GSG1L: variants seen among roughly 807,000 people sequenced by gnomAD.
GSG1L encodes GSG1 like, also known as germ cell-specific gene 1-like protein.
Under a neutral mutation model 42.1 loss-of-function variants are expected in GSG1L, and 24 were observed. The ratio of observed to expected loss-of-function variants is 0.57; its 90% CI spans 0.41 to 0.80. GSG1L has a LOEUF of 0.80. Among genes scored for constraint, GSG1L ranks in the 30% least tolerant of loss-of-function variants. GSG1L has a pLI of 0.00. For missense variants in GSG1L, 445 were observed against 472.2 expected (o/e 0.94, Z 0.53); for synonymous variants, 215 against 203.5 (o/e 1.06, Z -0.48).
chr16:27,829,055 C>T, intron 4 of GSG1L, 99 bp from the exon 5 acceptor site: 1 of 1,174,992 alleles, frequency 8.5e-7, no homozygotes. Flanking sequence ...GCATGGCTGC[C>T]TTTTCCTCTG....
intron 2 of GSG1L, among the ~76,000 whole-genome samples, chr16:27,915,288 G>T (rs778552883): frequency 1.3e-5 from 2 of 151,662 alleles, no homozygotes; most frequent in Non-Finnish European, 2.9e-5. Flanking sequence ...GAGGGGCAGG[G>T]TGGGGGCAGA....
intron 1 of GSG1L, among the ~76,000 whole-genome samples, chr16:28,007,508 TTG>T (rs2085656764): frequency 1.9e-5 from 2 of 105,298 alleles, no homozygotes; most frequent in Non-Finnish European, 3.7e-5. Flanking sequence ...GGTTGGTTGG[TTG>T]GTTGGTGGTT....
chr16:27,845,963 C>T (rs1010724401), intron 3 of GSG1L, among the ~76,000 whole-genome samples: 48 of 151,582 alleles, frequency 3.2e-4, no homozygotes, highest in African/African-American at 1.0e-3. Context: ...AGTGCAGTGG[C>T]TCCATCTGGG....
At position 27,878,037 on chromosome 16, in the gene GSG1L, G is replaced by A. The variant is rs182656183; in HGVS notation, c.550+6449C>T. Reference sequence around the variant, plus strand: ...GTGGCAGGCTTACCCCAGGGCCAGCGCATAGTAGCATCTGTTAAAGAAAAA... The same window carrying A: ...GTGGCAGGCTTACCCCAGGGCCAGCACATAGTAGCATCTGTTAAAGAAAAA... On this transcript the variant is annotated intron_variant, in intron 3 of 6. Transcript: ENST00000447459. Among the ~76,000 whole-genome samples the A allele has an allele frequency of 9.9e-5, 15 of 152,054 alleles. No homozygotes were observed. The East Asian group carries it at 2.1e-3, about 22-fold the overall frequency.
rs759750217 is a variant in GSG1L, at chr16:28,059,808, G to A, written c.349+3268C>T. Among the ~76,000 whole-genome samples, 2 of 152,228 alleles carry A rather than the reference G, an allele frequency of 1.3e-5. No homozygotes were observed. Among genetic ancestry groups the A allele is most frequent in the Admixed American group, 1.3e-4 (2 of 15,282 alleles). The stretch of plus-strand genomic sequence containing the variant: ...CCTTTCTGTTTGTGGAAGGACGCGG[G>A]TGCTCTTCTTGGAGCAAGGAGAAAA... On this transcript the variant is annotated intron_variant, in intron 1 of 6. Coordinates refer to ENST00000447459, the MANE Select transcript of GSG1L (RefSeq NM_001109763.2). The surrounding 1 kb of genome is among the most constrained non-coding windows in gnomAD (Gnocchi z 4.4).
chr16:27,956,975 G>A (rs952033955), intron 2 of GSG1L, among the ~76,000 whole-genome samples: 1 of 152,206 alleles, frequency 6.6e-6, no homozygotes, highest in Non-Finnish European at 1.5e-5. Context: ...ATAAATGACT[G>A]AGGTTTTGAG....
chr16:28,028,039 C>T (rs1368469185), intron 1 of GSG1L, among the ~76,000 whole-genome samples: 1 of 152,186 alleles, frequency 6.6e-6, no homozygotes, highest in Admixed American at 6.5e-5. Flanking sequence ...TTTAACCAAA[C>T]TATGTGCCAG....
rs2084000706 is a variant in GSG1L, at chr16:27,884,338, G to C, written c.550+148C>G. On this transcript the variant is annotated intron_variant, in intron 3 of 6. Coordinates refer to ENST00000447459, the MANE Select transcript of GSG1L (RefSeq NM_001109763.2). The surrounding 1 kb of genome is among the most constrained non-coding windows in gnomAD (Gnocchi z 4.4). ...TTAGATGCTCAGTCAATATGCATTG[G>C]TCATTTTTTACAAACGATAAAACTG... 1.4e-6 allele frequency: 1 copy of C among 705,316 alleles called. No homozygotes were observed. Among genetic ancestry groups the C allele is most frequent in the Non-Finnish European group, 2.3e-6 (1 of 436,850 alleles). 43.7% of individuals were successfully genotyped at this position (705,316 alleles called of 1,614,324 possible). A position where few individuals can be genotyped will look rare whatever the true frequency, so the allele number is the denominator to read the frequency against.
At chr16:28,045,194 A>AC (rs1567568053) in intron 1 of GSG1L, among the ~76,000 whole-genome samples, 1 of 152,154 alleles carries the variant, frequency 6.6e-6, no homozygotes, top group Non-Finnish European at 1.5e-5. Context: ...CTATGAGTGA[A>AC]CCCTAATGTA....
chr16:27,841,661 G>C (rs933663), intron 4 of GSG1L, among the ~76,000 whole-genome samples: 6,078 of 152,310 alleles, frequency 0.04, 425 homozygotes, highest in African/African-American at 0.14. Context: ...AAACGGGGCT[G>C]ATCCATCTTG....
chr16:27,817,996 G>A (rs879327394), intron 5 of GSG1L, among the ~76,000 whole-genome samples: 14 of 152,304 alleles, frequency 9.2e-5, no homozygotes, highest in Non-Finnish European at 1.6e-4. Context: ...AAGATCACCC[G>A]AGAAGCTTGT....
intron 2 of GSG1L, among the ~76,000 whole-genome samples, chr16:27,943,566 C>CTTTTTTTTTTTTTTTTT (rs11385465): frequency 4.4e-5 from 3 of 67,722 alleles, no homozygotes; most frequent in Admixed American, 2.4e-4. Flanking sequence ...TTCTTTGTTT[C>CTTTTTTTTTTTTTTTTT]TTTTTTTTTT....
intron 6 of GSG1L, among the ~76,000 whole-genome samples, chr16:27,803,317 C>A (rs897121031): frequency 6.6e-6 from 1 of 152,064 alleles, no homozygotes; most frequent in African/African-American, 2.4e-5. Context: ...CTCATGCACC[C>A]GACCCTCTCT....
intron 5 of GSG1L, among the ~76,000 whole-genome samples, chr16:27,823,233 G>A (rs1431573077): frequency 1.3e-5 from 2 of 152,106 alleles, no homozygotes; most frequent in Non-Finnish European, 2.9e-5. Flanking sequence ...CTCAGGGGTG[G>A]GGCAGGAATT....
chr16:28,061,298 T>C (rs2086337303), intron 1 of GSG1L, among the ~76,000 whole-genome samples: 1 of 152,206 alleles, frequency 6.6e-6, no homozygotes, highest in Admixed American at 6.5e-5. Flanking sequence ...TTGGCCAAGA[T>C]GCCTTTTGAA....
chr16:27,823,650 A>G (rs705912), intron 5 of GSG1L, among the ~76,000 whole-genome samples: 94,014 of 151,856 alleles, frequency 0.62, 30,176 homozygotes, highest in African/African-American at 0.79. Flanking sequence ...GTCCCACAGA[A>G]TGCATCATAC....
chr16:27,845,374 G>A (rs1345051846), intron 3 of GSG1L, among the ~76,000 whole-genome samples: 1 of 152,094 alleles, frequency 6.6e-6, no homozygotes, highest in African/African-American at 2.4e-5. Context: ...GACTACAGGT[G>A]TATGCCACTA....
chr16:27,987,945 CAAAA>C (rs56395297), intron 1 of GSG1L, among the ~76,000 whole-genome samples: 23,505 of 92,400 alleles, frequency 0.25, 1,851 homozygotes, highest in South Asian at 0.42. Context: ...GACTCCGTCT[CAAAA>C]AAAAAAAAAA....
chr16:27,947,589 GAA>G (rs1290796515), intron 2 of GSG1L, among the ~76,000 whole-genome samples: 6,299 of 111,186 alleles, frequency 0.057, 268 homozygotes, highest in African/African-American at 0.1. Flanking sequence ...AAGAAAGAAA[GAA>G]AGAAAGAAAA....
Sources: allele counts gnomAD v4.1 joint callset (sites outside exome capture counted in the v4.1 genomes callset), GRCh38; gene constraint gnomAD v4.1.1; non-coding constraint Gnocchi (gnomAD v3.1); transcripts MANE v1.5; gene names NCBI Gene and HGNC (gene_info 2026-07-23, HGNC 2026-07-21).